THSD7B: variants seen among roughly 807,000 people sequenced by gnomAD.
THSD7B encodes the protein thrombospondin type-1 domain-containing protein 7B.
THSD7B carries 138 observed loss-of-function variants against 213.6 expected under a neutral mutation model. The ratio of observed to expected loss-of-function variants is 0.65; its 90% CI spans 0.56 to 0.74. The LOEUF (loss-of-function observed/expected upper bound fraction) is 0.74. Among genes scored for constraint, THSD7B ranks in the 30% least tolerant of loss-of-function variants. The pLI is 0.00. For missense variants in THSD7B, 1,931 were observed against 1,991.5 expected (o/e 0.97, Z 0.58); for synonymous variants, 742 against 687.0 (o/e 1.08, Z -1.25).
At chr2:137,403,728 A>G (rs1267629448) in intron 12 of THSD7B, among the ~76,000 whole-genome samples, 1 of 152,228 alleles carries the variant, frequency 6.6e-6, no homozygotes. Context: ...GTGTATTCTC[A>G]TATACATCCA....
chr2:137,479,088 A>G (rs1358895578), intron 15 of THSD7B, among the ~76,000 whole-genome samples: 1 of 152,162 alleles, frequency 6.6e-6, no homozygotes, highest in African/African-American at 2.4e-5. Flanking sequence ...GTAGGTGGAC[A>G]GGTTTTTGGG....
intron 15 of THSD7B, among the ~76,000 whole-genome samples, chr2:137,465,817 T>C (rs1023478757): frequency 2.0e-5 from 3 of 152,080 alleles, no homozygotes; most frequent in Non-Finnish European, 4.4e-5. Flanking sequence ...TCAAGTGGCA[T>C]TTACCATGAG....
Position 137,487,196 on chromosome 2 carries a change from G to A in THSD7B, c.3138+36173G>A, listed in dbSNP as rs1217942375. ...ATCCTGGCTAACAAGGTGAAACCCCGTCTCTACTAAAAATACAAAAAATTA... is the reference window on the plus strand; with the variant it reads ...ATCCTGGCTAACAAGGTGAAACCCCATCTCTACTAAAAATACAAAAAATTA... On this transcript the variant is annotated intron_variant, in intron 15 of 27. Transcript: ENST00000409968. Among the ~76,000 whole-genome samples the A allele has an allele frequency of 3.5e-4, 52 of 147,758 alleles. 1 individual carries two copies. The highest frequency in any genetic ancestry group is 6.9e-3 in the Middle Eastern group (2 of 290).
chr2:137,063,722 T>A (rs183420043), intron 3 of THSD7B, among the ~76,000 whole-genome samples: 1 of 152,044 alleles, frequency 6.6e-6, no homozygotes, highest in Non-Finnish European at 1.5e-5. Flanking sequence ...TCTAGCTCCA[T>A]GAGTTCAATT....
chr2:137,018,775 G>C (rs1686389617), intron 2 of THSD7B, among the ~76,000 whole-genome samples: 1 of 152,092 alleles, frequency 6.6e-6, no homozygotes, highest in African/African-American at 2.4e-5. Context: ...AGTAACAAAA[G>C]TATGATGTTA....
At chr2:136,848,506 G>A (rs897351722) in intron 1 of THSD7B, among the ~76,000 whole-genome samples, 1 of 152,102 alleles carries the variant, frequency 6.6e-6, no homozygotes, top group African/African-American at 2.4e-5. Flanking sequence ...AAAGACAGAT[G>A]CTAAATTAAG....
chr2:137,122,980 C>G (rs148258801), intron 5 of THSD7B, among the ~76,000 whole-genome samples: 1 of 152,206 alleles, frequency 6.6e-6, no homozygotes, highest in Non-Finnish European at 1.5e-5. Context: ...GGTAAATAAC[C>G]AGATCTGTGT....
At chr2:137,479,565 T>C in intron 15 of THSD7B, 1 of 266,500 alleles carries the variant, frequency 3.8e-6, no homozygotes, top group South Asian at 2.9e-5. Context: ...CCATATGCTT[T>C]GGCCCCAGTT....
At chr2:137,535,557 C>T (rs536933924) in intron 15 of THSD7B, among the ~76,000 whole-genome samples, 6 of 151,686 alleles carry the variant, frequency 4.0e-5, no homozygotes, top group African/African-American at 1.5e-4. Flanking sequence ...AGACTTTATA[C>T]CCGGTGCCTA....
At chr2:136,874,882 A>G (rs1416444257) in intron 1 of THSD7B, among the ~76,000 whole-genome samples, 1 of 152,230 alleles carries the variant, frequency 6.6e-6, no homozygotes, top group African/African-American at 2.4e-5. Flanking sequence ...TGTCTCCCAC[A>G]TAATGTATTT....
chr2:137,253,164 G>T (rs1043191380), intron 10 of THSD7B, among the ~76,000 whole-genome samples: 1 of 152,076 alleles, frequency 6.6e-6, no homozygotes, highest in Non-Finnish European at 1.5e-5. Context: ...TGCAGTCTGT[G>T]TGTACTTGCA....
intron 1 of THSD7B, among the ~76,000 whole-genome samples, chr2:136,832,266 G>A (rs1433216646): frequency 1.3e-5 from 2 of 151,636 alleles, no homozygotes; most frequent in Non-Finnish European, 2.9e-5. Context: ...TGGAGGATGA[G>A]AAGTCCCATG....
chr2:136,777,108 G>A (rs535898093), intron 1 of THSD7B, among the ~76,000 whole-genome samples: 1 of 152,138 alleles, frequency 6.6e-6, no homozygotes, highest in African/African-American at 2.4e-5. Context: ...GGTTTCACCA[G>A]TTGCAAAGGT....
At chr2:137,078,281 T>C (rs558429861) in intron 3 of THSD7B, among the ~76,000 whole-genome samples, 1 of 152,352 alleles carries the variant, frequency 6.6e-6, no homozygotes, top group African/African-American at 2.4e-5. Flanking sequence ...CTTTGTTCTT[T>C]TGGCTTAGGA....
At chr2:137,673,366 A>T (rs757468371) in intron 27 of THSD7B, among the ~76,000 whole-genome samples, 4 of 152,214 alleles carry the variant, frequency 2.6e-5, no homozygotes, top group African/African-American at 7.2e-5. Flanking sequence ...GAGTGCTGTT[A>T]GGAAGAATGA....
intron 12 of THSD7B, among the ~76,000 whole-genome samples, chr2:137,340,165 C>T (rs1684729484): frequency 6.6e-6 from 1 of 151,738 alleles, no homozygotes; most frequent in Non-Finnish European, 1.5e-5. Context: ...CCACACTTTC[C>T]TTTAATCAAA....
intron 4 of THSD7B, among the ~76,000 whole-genome samples, chr2:137,107,187 A>C (rs1688270922): frequency 1.3e-5 from 2 of 152,190 alleles, no homozygotes; most frequent in Non-Finnish European, 2.9e-5. Context: ...CACATATACA[A>C]CATGGAATAC....
At chr2:136,832,508 C>T (rs1447201609) in intron 1 of THSD7B, among the ~76,000 whole-genome samples, 1 of 152,142 alleles carries the variant, frequency 6.6e-6, no homozygotes, top group Admixed American at 6.5e-5. Context: ...AGAAGCCTAT[C>T]TACTTTACTA....
chr2:137,221,807 C>A (rs918837256), intron 7 of THSD7B, among the ~76,000 whole-genome samples: 1 of 152,112 alleles, frequency 6.6e-6, no homozygotes, highest in African/African-American at 2.4e-5. Context: ...TGATGTGTTA[C>A]CAATTTACTC....
Sources: allele counts gnomAD v4.1 joint callset (sites outside exome capture counted in the v4.1 genomes callset), GRCh38; gene constraint gnomAD v4.1.1; transcripts MANE v1.5; gene names NCBI Gene and HGNC (gene_info 2026-07-23, HGNC 2026-07-21).